Variants in SLC27A4 observed in about 807,000 individuals in gnomAD.
The protein encoded by SLC27A4 is long-chain fatty acid transport protein 4.
A neutral mutation model predicts 64.4 loss-of-function variants in SLC27A4; 33 were observed. The observed-to-expected ratio is 0.51, with a 90% CI of 0.39 to 0.68. SLC27A4 has a LOEUF of 0.68. Among genes scored for constraint, SLC27A4 ranks in the 30% least tolerant of loss-of-function variants. SLC27A4 has a pLI of 0.00. For synonymous variants in SLC27A4, 377 were observed against 370.0 expected, an observed-to-expected ratio of 1.02 and a Z score of -0.22; for missense variants, 824 against 883.5, an observed-to-expected ratio of 0.93 and a Z score of 0.85.
At chr9:128,357,525 G>A (rs1274334842) in intron 12 of SLC27A4, among the ~76,000 whole-genome samples, 1 of 152,182 alleles carries the variant, frequency 6.6e-6, no homozygotes, top group Non-Finnish European at 1.5e-5. Context: ...AGTGGGAGAG[G>A]ATTGCAGGCA....
rs750866973 is a variant in SLC27A4 at position 128,353,517 on chromosome 9, G to A, written c.1300G>A (p.Gly434Ser). 5.1e-5 allele frequency: 82 copies of A among 1,613,888 alleles called. No individual in the cohort carries two copies. Among genetic ancestry groups the A allele is most frequent in the Non-Finnish European group, 6.4e-5 (76 of 1,180,032 alleles). Residue 434 changes from glycine to serine, a missense_variant, in exon 9 of 13, where the codon GGC becomes AGC. Physicochemically the swap from Gly to Ser is moderately conservative, Grantham distance 56. Transcript: ENST00000300456. The surrounding 1 kb of genome is among the most constrained non-coding windows in gnomAD (Gnocchi z 4.9). ...DTMELIRGPD[G>S]VCIPCQPGEP... The stretch of plus-strand genomic sequence containing the variant: ...CATGGAGCTGATCCGGGGGCCCGAC[G>A]GCGTCTGCATTCCCTGCCAGCCAGG...
rs779325951 is a variant in SLC27A4 at position 128,353,096 on chromosome 9, C to T, written c.1059C>T (p.His353=). 3.7e-6 allele frequency: 6 copies of T among 1,614,174 alleles called. No individual in the cohort carries two copies. The highest frequency in any genetic ancestry group is 1.6e-4 in the Middle Eastern group (1 of 6,062). The change falls in exon 8 of 13, where the codon CAC becomes CAT. Residue 353 remains histidine, a synonymous_variant. Coordinates refer to ENST00000300456, the MANE Select transcript of SLC27A4 (RefSeq NM_005094.4). This position sits in a 1 kb window ranked among gnomAD's most constrained non-coding sequence, Gnocchi z 4.9. ...NQPPREAENQ[H]QVRMALGNGL... ...CACCGCGGGAGGCAGAAAACCAGCA[C>T]CAGGTTCGCATGGCACTAGGCAATG...
At chr9:128,346,031 G>A (rs1367617394) in intron 3 of SLC27A4, among the ~76,000 whole-genome samples, 2 of 151,950 alleles carry the variant, frequency 1.3e-5, no homozygotes, top group African/African-American at 4.8e-5. Context: ...CTCCTGAATA[G>A]CTGGGACCAC....
rs188458794 is a variant in SLC27A4, at chr9:128,357,548, C to G, written c.1774+1752C>G. 4.3e-3 allele frequency among the ~76,000 whole-genome samples: 660 copies of G among 152,288 alleles called. 9 individuals are homozygous for G. The highest frequency in any genetic ancestry group is 0.015 in the African/African-American group (631 of 41,566). ...AGGATTGCAGGCAGCCCTGAGGGAG[C>G]TGGGAGACGAGGGAGGGGCTGTTGC... On this transcript the variant is annotated intron_variant, in intron 12 of 12. Transcript: ENST00000300456.
chr9:128,350,416 G>A (rs751033376), intron 5 of SLC27A4, 35 bp downstream of exon 5: 6 of 1,612,976 alleles, frequency 3.7e-6, no homozygotes, highest in Non-Finnish European at 4.2e-6. Flanking sequence ...GGTAGGCACA[G>A]GCAGGGCTGG....
In SLC27A4 at chr9:128,352,232, G is replaced by C. The variant is rs530274264; in HGVS notation, c.878-406G>C. On this transcript the variant is annotated intron_variant, in intron 6 of 12. Coordinates refer to ENST00000300456, the MANE Select transcript of SLC27A4 (RefSeq NM_005094.4). ...AAAAGTTGTTTTAAATTGAAAAAAG[G>C]ATGAGCACACCAGCCTCACAGTGTG... 1.7e-3 allele frequency among the ~76,000 whole-genome samples: 257 copies of C among 152,214 alleles called. 2 individuals carry two copies. The highest frequency in any genetic ancestry group is 3.1e-3 in the Non-Finnish European group (209 of 68,006).
intron 12 of SLC27A4, among the ~76,000 whole-genome samples, chr9:128,357,901 A>G (rs959201084): frequency 6.6e-6 from 1 of 152,176 alleles, no homozygotes; most frequent in Admixed American, 6.5e-5. Context: ...GGGAGGGTTT[A>G]GGACTTCAGT....
At chr9:128,354,577 C>T (rs1479497192) in intron 9 of SLC27A4, among the ~76,000 whole-genome samples, 1 of 152,048 alleles carries the variant, frequency 6.6e-6, no homozygotes, top group African/African-American at 2.4e-5. Flanking sequence ...GTGTGTCCGA[C>T]CTGCCAAGAT....
At chr9:128,354,270 C>G (rs971449001) in intron 9 of SLC27A4, among the ~76,000 whole-genome samples, 4 of 152,116 alleles carry the variant, frequency 2.6e-5, no homozygotes, top group Admixed American at 2.0e-4. Context: ...CATATTGACT[C>G]CAAATGACCC....
intron 7 of SLC27A4, 139 bp downstream of exon 7, chr9:128,352,886 G>C (rs2131265207): frequency 9.4e-7 from 1 of 1,063,164 alleles, no homozygotes. Context: ...CCATTGTTCA[G>C]ATGGGAAGGC....
rs752544255 is a variant in SLC27A4 at position 128,345,478 on chromosome 9, G to A, written c.485G>A (p.Arg162Gln). Reference protein sequence around the residue: ...EAALINTNLRRDALLHCLTTS... With the variant: ...EAALINTNLRQDALLHCLTTS... Reference sequence around the variant, plus strand: ...GCCCTCATCAACACCAACCTGCGGCGGGATGCTCTGCTCCACTGCCTCACC... The same window carrying A: ...GCCCTCATCAACACCAACCTGCGGCAGGATGCTCTGCTCCACTGCCTCACC... Residue 162 changes from arginine (R) to glutamine (Q), a missense_variant, in exon 3 of 13, where the codon CGG (arginine) becomes CAG (glutamine). Transcript: ENST00000300456. This position sits in a 1 kb window ranked among gnomAD's most constrained non-coding sequence, Gnocchi z 4.1. The A allele has an allele frequency of 8.7e-6, 14 of 1,612,750 alleles. No homozygotes were observed. Among genetic ancestry groups the A allele is most frequent in the African/African-American group, 4.0e-5 (3 of 74,924 alleles).
At chr9:128,348,157 G>A (rs1291536047) in intron 3 of SLC27A4, among the ~76,000 whole-genome samples, 1 of 152,154 alleles carries the variant, frequency 6.6e-6, no homozygotes, top group African/African-American at 2.4e-5. Flanking sequence ...CACAGAGTAA[G>A]TAGTGCGGGA....
Position 128,353,979 on chromosome 9 carries a change from G to A in SLC27A4, c.1324+438G>A, listed in dbSNP as rs1187501204. On this transcript the variant is annotated intron_variant, in intron 9 of 12. Coordinates refer to ENST00000300456, the MANE Select transcript of SLC27A4 (RefSeq NM_005094.4). This position sits in a 1 kb window ranked among gnomAD's most constrained non-coding sequence, Gnocchi z 4.9. Reference sequence around the variant, plus strand: ...GGGATGGTCTCGATCTCCTGACCTCGTGATCCGCCCGCCTCGGCCTCCCAA... The same window carrying A: ...GGGATGGTCTCGATCTCCTGACCTCATGATCCGCCCGCCTCGGCCTCCCAA... Among the ~76,000 whole-genome samples, 10 of 151,376 alleles carry A rather than the reference G, an allele frequency of 6.6e-5. No homozygotes were observed. Among genetic ancestry groups the A allele is most frequent in the African/African-American group, 2.4e-4 (10 of 40,950 alleles).
chr9:128,349,867 A>G (rs375071920), intron 4 of SLC27A4, among the ~76,000 whole-genome samples: 3 of 152,190 alleles, frequency 2.0e-5, no homozygotes, highest in Non-Finnish European at 2.9e-5. Context: ...CCTGTGCTCT[A>G]TGACTTGGGG....
intron 1 of SLC27A4, among the ~76,000 whole-genome samples, chr9:128,341,661 C>A (rs1832574215): frequency 6.6e-6 from 1 of 152,218 alleles, no homozygotes; most frequent in African/African-American, 2.4e-5. Flanking sequence ...GGCTCCTTTT[C>A]CAGGGAGCTG....
chr9:128,351,500 C>T (rs144615124), intron 6 of SLC27A4, among the ~76,000 whole-genome samples: 4 of 151,704 alleles, frequency 2.6e-5, no homozygotes, highest in South Asian at 2.1e-4. Context: ...GAGTGGATCA[C>T]GAGGTCAGGA....
chr9:128,343,186 G>A lies in SLC27A4; in HGVS notation c.54G>A (p.Leu18=). The change falls in exon 2 of 13, where the codon CTG becomes CTA. Residue 18 remains leucine (L), a synonymous_variant. Coordinates refer to ENST00000300456, the MANE Select transcript of SLC27A4 (RefSeq NM_005094.4). The part of the protein sequence containing the change: ...VGVLLFSKLV[L]KLPWTQVGFS... ...TGCTGCTGTTCTCCAAGCTGGTGCT[G>A]AAACTGCCCTGGACCCAGGTGGGAT... 6.2e-7 allele frequency: 1 copy of A among 1,614,136 alleles called. No homozygotes were observed. The highest frequency in any genetic ancestry group is 8.5e-7 in the Non-Finnish European group (1 of 1,180,036).
At position 128,345,479 on chromosome 9, in the gene SLC27A4, G is replaced by C; in HGVS notation, c.486G>C (p.Arg162=). The C allele has an allele frequency of 6.2e-7, 1 of 1,612,872 alleles. No individual in the cohort carries two copies. The highest frequency in any genetic ancestry group is 8.5e-7 in the Non-Finnish European group (1 of 1,179,868). The change falls in exon 3 of 13, where the codon CGG becomes CGC. Residue 162 remains arginine, a synonymous_variant. Transcript: ENST00000300456. The surrounding 1 kb of genome is among the most constrained non-coding windows in gnomAD (Gnocchi z 4.1). ...CCCTCATCAACACCAACCTGCGGCG[G>C]GATGCTCTGCTCCACTGCCTCACCA... ...EAALINTNLR[R]DALLHCLTTS...
rs766326461 is a variant in SLC27A4, at chr9:128,360,454, C to G, written c.1895C>G (p.Ala632Gly). 1 of 1,614,050 alleles carries G rather than the reference C, an allele frequency of 6.2e-7. No homozygotes were observed. The highest frequency in any genetic ancestry group is 8.5e-7 in the Non-Finnish European group (1 of 1,180,038). Residue 632 changes from alanine (A) to glycine (G), a missense_variant, in exon 13 of 13, where the codon GCC becomes GGC. Ala to Gly is a moderately conservative substitution (Grantham distance 60). Coordinates refer to ENST00000300456, the MANE Select transcript of SLC27A4 (RefSeq NM_005094.4). ...KGRYVPLDQE[A>G]YSRIQAGEEK... is the part of the protein sequence containing the mutation. ...CGCTACGTCCCGCTGGACCAAGAGGCCTACAGCCGCATCCAGGCAGGCGAG... is the reference window on the plus strand; with the variant it reads ...CGCTACGTCCCGCTGGACCAAGAGGGCTACAGCCGCATCCAGGCAGGCGAG...
Sources: allele counts gnomAD v4.1 joint callset (sites outside exome capture counted in the v4.1 genomes callset), GRCh38; gene constraint gnomAD v4.1.1; non-coding constraint Gnocchi (gnomAD v3.1); transcripts MANE v1.5; gene names NCBI Gene and HGNC (gene_info 2026-07-23, HGNC 2026-07-21).